Variants in AFF1 observed in about 807,000 individuals in gnomAD.
AFF1 encodes AF4/FMR2 family member 1.
In AFF1, 48 loss-of-function variants were observed where a neutral mutation model predicts 121.7. That is an observed-to-expected ratio of 0.39 (90% CI 0.31 to 0.50). The LOEUF (loss-of-function observed/expected upper bound fraction) is 0.50. Among genes scored for constraint, AFF1 ranks in the 20% least tolerant of loss-of-function variants. The pLI is 0.76. For missense variants in AFF1, 1,523 were observed against 1,511.7 expected (o/e 1.01, Z -0.12); for synonymous variants, 613 against 563.0 (o/e 1.09, Z -1.26).
At chr4:86,969,069 G>A (rs1044970042) in intron 2 of AFF1, among the ~76,000 whole-genome samples, 1 of 152,226 alleles carries the variant, frequency 6.6e-6, no homozygotes, top group Non-Finnish European at 1.5e-5. Context: ...TCCACGGAGC[G>A]CCTCCTTGTT....
At chr4:87,081,841 A>G (rs1359922829) in intron 4 of AFF1, among the ~76,000 whole-genome samples, 1 of 152,216 alleles carries the variant, frequency 6.6e-6, no homozygotes, top group Admixed American at 6.5e-5. Context: ...GATAAGGTCA[A>G]TGTTGCTAAT....
At chr4:86,961,569 A>G (rs1722145317) in intron 2 of AFF1, among the ~76,000 whole-genome samples, 1 of 150,444 alleles carries the variant, frequency 6.6e-6, no homozygotes. Flanking sequence ...GCACTGGGGC[A>G]TAGTGGGGGT....
In AFF1 at chr4:87,135,657, C is replaced by G; in HGVS notation, c.3613C>G (p.Arg1205Gly). The G allele has an allele frequency of 6.2e-7, 1 of 1,612,778 alleles. No homozygotes were observed. Among genetic ancestry groups the G allele is most frequent in the Non-Finnish European group, 8.5e-7 (1 of 1,179,390 alleles). ...SSLVDLVHYT[R>G]QGFQQLQELT... ...TTTGGTGGACCTGGTGCACTATACA[C>G]GACAGGGTTTTCAGCAGCTACAAGA... Residue 1205 changes from arginine to glycine, a missense_variant, in exon 21 of 21, where the codon CGA becomes GGA. Physicochemically the swap from Arg to Gly is moderately radical, Grantham distance 125 (BLOSUM62 -2). This residue lies in a region of AFF1 where 241 missense variants were observed against 265.2 expected (regional missense o/e 0.91). Transcript: ENST00000395146.
chr4:87,069,987 AT>A (rs1238498741), intron 4 of AFF1, among the ~76,000 whole-genome samples: 3 of 150,530 alleles, frequency 2.0e-5, no homozygotes, highest in Non-Finnish European at 4.4e-5. Context: ...CGCCTGACTA[AT>A]TTTTTGTTGT....
intron 4 of AFF1, among the ~76,000 whole-genome samples, chr4:87,069,730 G>A (rs765206857): frequency 2.6e-5 from 4 of 151,366 alleles, no homozygotes; most frequent in African/African-American, 4.9e-5. Context: ...TTTTGTATCT[G>A]GAGAAAATCA....
chr4:86,992,359 C>T lies in AFF1; in HGVS notation c.38+43788C>T, dbSNP rs554394504. 2.0e-5 allele frequency among the ~76,000 whole-genome samples: 3 copies of T among 152,276 alleles called. No homozygotes were observed. The East Asian group carries it at 5.8e-4, about 29-fold the overall frequency. The stretch of plus-strand genomic sequence containing the variant: ...CTTAGAGCCAGGAATATTGTGCATG[C>T]TCAGTAAATTCATATTACTTACAAA... On this transcript the variant is annotated intron_variant, in intron 2 of 20. Transcript: ENST00000395146.
chr4:87,041,422 G>A (rs187515368), intron 2 of AFF1, among the ~76,000 whole-genome samples: 282 of 152,236 alleles, frequency 1.9e-3, no homozygotes, highest in Non-Finnish European at 2.6e-3. Flanking sequence ...TTGGAAACTT[G>A]TTCAACATAC....
chr4:87,006,534 A>T (rs891379383), intron 2 of AFF1, among the ~76,000 whole-genome samples: 2 of 152,206 alleles, frequency 1.3e-5, no homozygotes, highest in Non-Finnish European at 2.9e-5. Context: ...GTCTCTATGT[A>T]AGGAAATCAA....
intron 4 of AFF1, among the ~76,000 whole-genome samples, chr4:87,062,173 C>T (rs1720850668): frequency 6.6e-6 from 1 of 152,134 alleles, no homozygotes; most frequent in Non-Finnish European, 1.5e-5. Context: ...AGACCTTAGA[C>T]TGGGTAATTT....
At chr4:87,067,429 A>G (rs1210824508) in intron 4 of AFF1, among the ~76,000 whole-genome samples, 2 of 152,236 alleles carry the variant, frequency 1.3e-5, no homozygotes, top group African/African-American at 2.4e-5. Flanking sequence ...AAACTGCAAT[A>G]AAGTGTAACT....
intron 17 of AFF1, among the ~76,000 whole-genome samples, chr4:87,131,572 TG>T (rs1728831058): frequency 6.6e-6 from 1 of 152,240 alleles, no homozygotes; most frequent in South Asian, 2.1e-4. Flanking sequence ...CAACTTCACT[TG>T]GTTTCAAGAG....
chr4:86,999,597 AGTTTAGGTTG>A (rs1725522171), intron 2 of AFF1, among the ~76,000 whole-genome samples: 1 of 152,220 alleles, frequency 6.6e-6, no homozygotes, highest in Non-Finnish European at 1.5e-5. Context: ...TACAGAGAGA[AGTTTAGGTTG>A]GAGTTACACA....
At chr4:87,124,679 A>G (rs183201091) in intron 12 of AFF1, among the ~76,000 whole-genome samples, 1 of 152,334 alleles carries the variant, frequency 6.6e-6, no homozygotes, top group East Asian at 1.9e-4. Context: ...TTTGATGTAA[A>G]TATGCATGTT....
chr4:87,073,661 T>C (rs2904154), intron 4 of AFF1, among the ~76,000 whole-genome samples: 11,806 of 152,300 alleles, frequency 0.078, 1,035 homozygotes, highest in African/African-American at 0.21. Flanking sequence ...CTGACTCATA[T>C]GACTGCAGTT....
chr4:87,031,052 C>T (rs1000448890), intron 2 of AFF1, among the ~76,000 whole-genome samples: 9 of 152,036 alleles, frequency 5.9e-5, no homozygotes, highest in Admixed American at 2.6e-4. Context: ...GCCCACAGGC[C>T]GTTGTCTGGG....
intron 4 of AFF1, among the ~76,000 whole-genome samples, chr4:87,081,377 G>C (rs1485818680): frequency 6.6e-6 from 1 of 151,932 alleles, no homozygotes; most frequent in African/African-American, 2.4e-5. Context: ...TAGCCAGGAT[G>C]GTCTCTTATC....
intron 2 of AFF1, among the ~76,000 whole-genome samples, chr4:87,021,586 A>G (rs74997389): frequency 0.039 from 5,893 of 152,298 alleles, 195 homozygotes; most frequent in African/African-American, 0.092. Flanking sequence ...TGCCTTGGAA[A>G]TAATAGATGT....
rs192533260 is a variant in AFF1, at chr4:87,088,867, T to C, written c.1105-1117T>C. 1.3e-3 allele frequency among the ~76,000 whole-genome samples: 203 copies of C among 152,280 alleles called. 2 individuals are homozygous for C. The highest frequency in any genetic ancestry group is 3.1e-4 in the Non-Finnish European group (21 of 68,022). On this transcript the variant is annotated intron_variant, in intron 5 of 20. Coordinates refer to ENST00000395146, the MANE Select transcript of AFF1 (RefSeq NM_001166693.3). Reference sequence around the variant, plus strand: ...ATCTCGGCTCACTGCAACCTCAGCCTCCCGAGTAGCTGGGATTACAGGCAT... The same window carrying C: ...ATCTCGGCTCACTGCAACCTCAGCCCCCCGAGTAGCTGGGATTACAGGCAT...
At chr4:87,067,128 A>G (rs1292464611) in intron 4 of AFF1, among the ~76,000 whole-genome samples, 1 of 152,210 alleles carries the variant, frequency 6.6e-6, no homozygotes, top group Non-Finnish European at 1.5e-5. Context: ...TTGGTTAATG[A>G]CAGAAGTGGG....
Sources: gnomAD v4.1 joint callset for allele counts (sites outside exome capture counted in the v4.1 genomes callset) on GRCh38, gnomAD v4.1.1 for gene constraint, gnomAD v4.1.1 regional missense constraint, MANE v1.5 for transcripts, NCBI Gene and HGNC (gene_info 2026-07-23, HGNC 2026-07-21) for gene names.